Variants in KLHL5 observed in about 807,000 individuals in gnomAD.
KLHL5 encodes kelch like family member 5, also known as kelch-like protein 5.
KLHL5 carries 48 observed loss-of-function variants against 77.7 expected under a neutral mutation model. The observed-to-expected ratio is 0.62, with a 90% CI of 0.49 to 0.79. The LOEUF (loss-of-function observed/expected upper bound fraction) is 0.79, where lower values mean the gene tolerates loss of function less well. Ranked by LOEUF, KLHL5 falls within the 30% of genes least tolerant of loss-of-function variation. The probability of loss-of-function intolerance (pLI) is 0.00; values close to 1 mark genes in which losing one functional copy is unlikely to be tolerated. For missense variants in KLHL5, 723 were observed against 859.7 expected, an observed-to-expected ratio of 0.84 and a Z score of 1.99; for synonymous variants, 260 against 297.0, an observed-to-expected ratio of 0.88 and a Z score of 1.28.
intron 7 of KLHL5, among the ~76,000 whole-genome samples, chr4:39,107,044 T>G (rs1374668969): frequency 4.8e-5 from 5 of 103,486 alleles, no homozygotes; most frequent in Admixed American, 2.2e-4. Flanking sequence ...TAGAACTTTT[T>G]TTTTTCTTTT....
intron 8 of KLHL5, among the ~76,000 whole-genome samples, chr4:39,111,742 A>G (rs1475504540): frequency 1.3e-5 from 2 of 152,164 alleles, no homozygotes; most frequent in Non-Finnish European, 2.9e-5. Context: ...GTTTCAAATA[A>G]ATTTCAATTT....
chr4:39,127,083 C>A (rs1437085008), downstream of KLHL5, among the ~76,000 whole-genome samples: 1 of 152,124 alleles, frequency 6.6e-6, no homozygotes, highest in African/African-American at 2.4e-5. Context: ...CACCTGCAAT[C>A]CCAGCACTTT....
At position 39,076,081 on chromosome 4, in the gene KLHL5, A is replaced by G. The variant is rs771665433; in HGVS notation, c.500A>G (p.Tyr167Cys). The change falls in exon 2 of 11, where the codon TAT becomes TGT. Residue 167 changes from tyrosine (Y) to cysteine (C), a missense_variant. Transcript: ENST00000504108. The stretch of plus-strand genomic sequence containing the variant: ...CAAACATTTAAAAAAATGGAAAACT[A>G]TTTGAGACATAAACAGTTGTGTGAT... ...AEQTFKKMEN[Y>C]LRHKQLCDVI... 4 of 1,608,026 alleles carry G rather than the reference A, an allele frequency of 2.5e-6. No individual in the cohort carries two copies. In the East Asian group the frequency reaches 6.7e-5, roughly 27 times the overall value.
chr4:39,101,126 T>TATACATACATATATATA (rs1553892884), intron 6 of KLHL5, among the ~76,000 whole-genome samples: 2 of 134,844 alleles, frequency 1.5e-5, no homozygotes, highest in Admixed American at 7.5e-5. Context: ...TATTTGGATT[T>TATACATACATATATATA]TATATATATA....
chr4:39,046,285 A>G (rs1716183488), intron 1 of KLHL5, among the ~76,000 whole-genome samples: 1 of 152,170 alleles, frequency 6.6e-6, no homozygotes, highest in Non-Finnish European at 1.5e-5. Context: ...ATAGGATAAA[A>G]CAAACTAAAT....
intron 1 of KLHL5, among the ~76,000 whole-genome samples, chr4:39,069,198 A>C (rs1401445109): frequency 1.3e-5 from 2 of 152,114 alleles, no homozygotes; most frequent in Non-Finnish European, 2.9e-5. Flanking sequence ...TGCACATATC[A>C]GTTCTGCACA....
chr4:39,115,552 T>A, intron 10 of KLHL5: 2 of 1,455,586 alleles, frequency 1.4e-6, no homozygotes, highest in Non-Finnish European at 1.8e-6. Flanking sequence ...AGAGAAATTA[T>A]TAATTATCTG....
intron 1 of KLHL5, among the ~76,000 whole-genome samples, chr4:39,065,389 T>C: frequency 6.7e-6 from 1 of 149,196 alleles, no homozygotes; most frequent in African/African-American, 2.5e-5. Context: ...AGAGTCTCGC[T>C]CTGTTACCCA....
chr4:39,050,777 C>T (rs1716578490), intron 1 of KLHL5, among the ~76,000 whole-genome samples: 1 of 152,192 alleles, frequency 6.6e-6, no homozygotes, highest in Non-Finnish European at 1.5e-5. Flanking sequence ...GAAAGTTCTA[C>T]ACAATTAACA....
chr4:39,102,951 GA>G (rs1337049910), intron 6 of KLHL5, among the ~76,000 whole-genome samples: 1 of 152,098 alleles, frequency 6.6e-6, no homozygotes, highest in African/African-American at 2.4e-5. Context: ...ACTGTTAGCA[GA>G]CCTACTGCTA....
At chr4:39,076,434 A>G (rs1332796666) in intron 2 of KLHL5, among the ~76,000 whole-genome samples, 1 of 152,168 alleles carries the variant, frequency 6.6e-6, no homozygotes, top group African/African-American at 2.4e-5. Context: ...GCCATATTCT[A>G]CCTATTAAAT....
At chr4:39,055,335 G>C (rs1184264896) in intron 1 of KLHL5, among the ~76,000 whole-genome samples, 1 of 152,240 alleles carries the variant, frequency 6.6e-6, no homozygotes, top group African/African-American at 2.4e-5. Flanking sequence ...TCTGGCACAA[G>C]TTTTTCCTGT....
chr4:39,067,768 C>T (rs778915108), intron 1 of KLHL5, among the ~76,000 whole-genome samples: 2 of 151,708 alleles, frequency 1.3e-5, no homozygotes, highest in Non-Finnish European at 2.9e-5. Flanking sequence ...GCAGTCTTTG[C>T]CTCCTGGGTT....
chr4:39,103,614 C>G, intron 7 of KLHL5, 103 bp downstream of exon 7: 1 of 840,826 alleles, frequency 1.2e-6, no homozygotes, highest in Non-Finnish European at 1.9e-6. Context: ...ACTGCGTCAG[C>G]AGCAGTCACC....
chr4:39,053,581 C>T (rs1230344649), intron 1 of KLHL5, among the ~76,000 whole-genome samples: 1 of 152,070 alleles, frequency 6.6e-6, no homozygotes, highest in Non-Finnish European at 1.5e-5. Context: ...AATGATATTA[C>T]AGTTTTCTTC....
intron 1 of KLHL5, among the ~76,000 whole-genome samples, chr4:39,051,716 AACAAAC>A (rs1716663009): frequency 1.5e-5 from 2 of 132,400 alleles, no homozygotes; most frequent in Non-Finnish European, 1.7e-5. Flanking sequence ...AGAAAAAACA[AACAAAC>A]AAACAAACAA....
intron 1 of KLHL5, among the ~76,000 whole-genome samples, chr4:39,054,350 G>A (rs187821559): frequency 1.3e-5 from 2 of 152,310 alleles, no homozygotes; most frequent in East Asian, 3.9e-4. Context: ...ATTAAGTCAG[G>A]TTAATTAATC....
intron 10 of KLHL5, among the ~76,000 whole-genome samples, chr4:39,120,575 G>T (rs1002780788): frequency 1.3e-5 from 2 of 152,206 alleles, no homozygotes; most frequent in Admixed American, 1.3e-4. Flanking sequence ...CAGGCATTCA[G>T]AGTATTTTGT....
At chr4:39,051,489 G>C (rs556374210) in intron 1 of KLHL5, among the ~76,000 whole-genome samples, 24 of 152,272 alleles carry the variant, frequency 1.6e-4, no homozygotes, top group Admixed American at 1.0e-3. Context: ...AAATGAAGGG[G>C]TTTTCTTGGG....
Sources: gnomAD v4.1 joint callset for allele counts (sites outside exome capture counted in the v4.1 genomes callset) on GRCh38, gnomAD v4.1.1 for gene constraint, MANE v1.5 for transcripts, NCBI Gene and HGNC (gene_info 2026-07-23, HGNC 2026-07-21) for gene names.